Variants in SRPK2 observed in about 807,000 individuals in gnomAD.
SRPK2 encodes SRSF protein kinase 2.
A neutral mutation model predicts 90.8 loss-of-function variants in SRPK2; 21 were observed. The ratio of observed to expected loss-of-function variants is 0.23; its 90% CI spans 0.16 to 0.33. The LOEUF is 0.33. SRPK2 is among the 10% of genes least tolerant of loss of function. The pLI is 1.00. For missense variants in SRPK2, 620 were observed against 869.0 expected (o/e 0.71, Z 3.60); for synonymous variants, 288 against 311.1 (o/e 0.93, Z 0.78).
At chr7:105,226,218 TAAAC>T (rs1798689117) in intron 2 of SRPK2, among the ~76,000 whole-genome samples, 1 of 151,868 alleles carries the variant, frequency 6.6e-6, no homozygotes, top group African/African-American at 2.4e-5. Flanking sequence ...TTCTTCCCAA[TAAAC>T]AAAATGGAAG....
intron 2 of SRPK2, among the ~76,000 whole-genome samples, chr7:105,317,903 C>G (rs1812484969): frequency 1.3e-5 from 2 of 151,376 alleles, no homozygotes; most frequent in African/African-American, 2.4e-5. Flanking sequence ...TGTGCACCAC[C>G]ACTCCTGGCT....
chr7:105,389,119 C>T, upstream of SRPK2: 1 of 989,206 alleles, frequency 1.0e-6, no homozygotes. Context: ...TCGGCCTCCC[C>T]CACCCCAGCC....
chr7:105,384,378 C>T (rs1376102941), intron 2 of SRPK2, among the ~76,000 whole-genome samples: 2 of 152,154 alleles, frequency 1.3e-5, no homozygotes, highest in African/African-American at 2.4e-5. Flanking sequence ...TAATCTTATT[C>T]CTGACAACTA....
chr7:105,147,059 T>A (rs773849539), intron 7 of SRPK2, among the ~76,000 whole-genome samples: 3 of 152,240 alleles, frequency 2.0e-5, no homozygotes, highest in African/African-American at 4.8e-5. Context: ...CTACTTCATA[T>A]GATCTATCCA....
chr7:105,313,159 TA>T, intron 2 of SRPK2, among the ~76,000 whole-genome samples: 1 of 151,746 alleles, frequency 6.6e-6, no homozygotes, highest in Admixed American at 6.6e-5. Flanking sequence ...TTTTTTTTTT[TA>T]AATTACCAGG....
intron 2 of SRPK2, among the ~76,000 whole-genome samples, chr7:105,351,609 C>G (rs1817189513): frequency 1.3e-5 from 2 of 151,938 alleles, no homozygotes; most frequent in Non-Finnish European, 2.9e-5. Context: ...TTAAGACCAG[C>G]CTTGCCAAAA....
intron 11 of SRPK2, among the ~76,000 whole-genome samples, chr7:105,140,843 C>T (rs1803639584): frequency 6.6e-6 from 1 of 151,948 alleles, no homozygotes; most frequent in African/African-American, 2.4e-5. Flanking sequence ...CGCCTATAAT[C>T]CCAGCTACTC....
At chr7:105,366,266 G>A (rs1422639773) in intron 2 of SRPK2, among the ~76,000 whole-genome samples, 3 of 151,616 alleles carry the variant, frequency 2.0e-5, no homozygotes, top group Non-Finnish European at 4.4e-5. Context: ...ATCTTTTGCT[G>A]GAATTAAATT....
chr7:105,170,910 AGAAAGGAGAAAG>A (rs1790909196), intron 3 of SRPK2, among the ~76,000 whole-genome samples: 1 of 114,784 alleles, frequency 8.7e-6, no homozygotes, highest in South Asian at 3.0e-4. Flanking sequence ...AAAGAAAGAA[AGAAAGGAGAAAG>A]AAAAAGAAAA....
At chr7:105,227,671 T>C (rs779878685) in intron 2 of SRPK2, among the ~76,000 whole-genome samples, 1 of 152,074 alleles carries the variant, frequency 6.6e-6, no homozygotes, top group African/African-American at 2.4e-5. Context: ...ATTCTGGCAG[T>C]TCTACAAAAT....
chr7:105,319,985 A>T (rs1469260445), intron 2 of SRPK2, among the ~76,000 whole-genome samples: 2 of 152,032 alleles, frequency 1.3e-5, no homozygotes, highest in African/African-American at 2.4e-5. Flanking sequence ...AACTCCTTTA[A>T]ATTTAATTCA....
chr7:105,371,010 A>G (rs1819630841), intron 2 of SRPK2, among the ~76,000 whole-genome samples: 1 of 152,226 alleles, frequency 6.6e-6, no homozygotes, highest in East Asian at 1.9e-4. Flanking sequence ...ATGGACATAT[A>G]CATTTTGTAG....
chr7:105,164,649 CT>C (rs1808242898), intron 6 of SRPK2, among the ~76,000 whole-genome samples: 1 of 152,082 alleles, frequency 6.6e-6, no homozygotes, highest in Non-Finnish European at 1.5e-5. Context: ...TTATTTTTGT[CT>C]TTTAATCTAG....
At chr7:105,171,011 AAGAG>A (rs1245235839) in intron 3 of SRPK2, among the ~76,000 whole-genome samples, 1 of 119,824 alleles carries the variant, frequency 8.3e-6, no homozygotes, top group Non-Finnish European at 2.0e-5. Flanking sequence ...GAAAGAAAGA[AAGAG>A]AGGAAGGAAG....
intron 2 of SRPK2, among the ~76,000 whole-genome samples, chr7:105,342,355 ATAAT>A (rs1192428112): frequency 2.0e-5 from 3 of 149,940 alleles, no homozygotes; most frequent in African/African-American, 7.3e-5. Context: ...ATTAATAATA[ATAAT>A]TAAATAAAAT....
intron 2 of SRPK2, among the ~76,000 whole-genome samples, chr7:105,366,661 G>A (rs1363734415): frequency 6.6e-6 from 1 of 152,046 alleles, no homozygotes; most frequent in Non-Finnish European, 1.5e-5. Flanking sequence ...GAGCCACCAG[G>A]CCCAGCCAGG....
At chr7:105,374,400 C>A (rs967173400) in intron 2 of SRPK2, among the ~76,000 whole-genome samples, 2 of 152,168 alleles carry the variant, frequency 1.3e-5, no homozygotes, top group Admixed American at 1.3e-4. Flanking sequence ...TAAAAAGGTT[C>A]AATGTCTTTG....
At chr7:105,326,150 C>G (rs1401276457) in intron 2 of SRPK2, among the ~76,000 whole-genome samples, 1 of 152,174 alleles carries the variant, frequency 6.6e-6, no homozygotes, top group African/African-American at 2.4e-5. Context: ...CCAATCAACT[C>G]TACATTCAAA....
intron 15 of SRPK2, among the ~76,000 whole-genome samples, chr7:105,120,846 A>G (rs1040380275): frequency 1.5e-4 from 23 of 152,296 alleles, no homozygotes; most frequent in African/African-American, 4.8e-4. Flanking sequence ...CTCTGTATCT[A>G]TTGCTAGGAG....
Sources: allele counts gnomAD v4.1 joint callset (sites outside exome capture counted in the v4.1 genomes callset), GRCh38; gene constraint gnomAD v4.1.1; transcripts MANE v1.5; gene names NCBI Gene and HGNC (gene_info 2026-07-23, HGNC 2026-07-21).